CELF2: variants seen among roughly 807,000 people sequenced by gnomAD.
The protein encoded by CELF2 is CUGBP Elav-like family member 2, also known as CUG triplet repeat RNA-binding protein 2.
Under a neutral mutation model 62.6 loss-of-function variants are expected in CELF2, and 8 were observed. The ratio of observed to expected loss-of-function variants is 0.13; its 90% CI spans 0.07 to 0.23. The LOEUF is 0.23. Ranked by LOEUF, CELF2 falls within the 10% of genes least tolerant of loss-of-function variation. The pLI is 1.00. For synonymous variants in CELF2, 258 were observed against 250.0 expected (o/e 1.03, Z -0.30); for missense variants, 333 against 671.0 (o/e 0.50, Z 5.56).
the CELF2 span, among the ~76,000 whole-genome samples, chr10:10,551,997 G>A: frequency 1.3e-5 from 2 of 151,962 alleles, no homozygotes; most frequent in South Asian, 4.2e-4. Context: ...TGCATTTAAA[G>A]TTTCACATCT....
chr10:11,097,941 T>G (rs993225805), intron 1 of CELF2: 2 of 152,418 alleles, frequency 1.3e-5, no homozygotes, highest in African/African-American at 4.8e-5. Flanking sequence ...TGACACCTCA[T>G]GCATGGAGTC....
chr10:11,217,578 G>A lies in CELF2; in HGVS notation c.354+71G>A, dbSNP rs765237086. ...ATGGTCCTTTCAACTGAAGGTTCTA[G>A]TTATGGGCTCTTAGTGCCAAAAATG... On this transcript the variant is annotated intron_variant, in intron 3 of 12. Coordinates refer to ENST00000633077, the MANE Select transcript of CELF2 (RefSeq NM_001326342.2). This position sits in a 1 kb window ranked among gnomAD's most constrained non-coding sequence, Gnocchi z 5.6. 8.5e-7 allele frequency: 1 copy of A among 1,181,418 alleles called. No homozygotes were observed. Among genetic ancestry groups the A allele is most frequent in the Non-Finnish European group, 1.2e-6 (1 of 804,054 alleles). 73.2% of individuals were successfully genotyped at this position (1,181,418 alleles called of 1,614,324 possible). A position where few individuals can be genotyped will look rare whatever the true frequency, so the allele number is the denominator to read the frequency against.
chr10:10,708,721 A>G, the CELF2 span, among the ~76,000 whole-genome samples: 15 of 152,194 alleles, frequency 9.9e-5, no homozygotes, highest in Non-Finnish European at 2.1e-4. Flanking sequence ...TGATGGAAAT[A>G]GCAGTATTGA....
chr10:10,527,901 C>T, the CELF2 span, among the ~76,000 whole-genome samples: 1 of 152,220 alleles, frequency 6.6e-6, no homozygotes, highest in Admixed American at 6.5e-5. Context: ...CTCAGGGAAA[C>T]TAGCAGATTC....
intron 1 of CELF2, among the ~76,000 whole-genome samples, chr10:11,041,384 T>C (rs1049797215): frequency 1.3e-5 from 2 of 152,094 alleles, no homozygotes; most frequent in African/African-American, 4.8e-5. Context: ...CTTAGGGAAA[T>C]GGTAGTACAG....
chr10:10,593,152 T>C, the CELF2 span, among the ~76,000 whole-genome samples: 1 of 152,014 alleles, frequency 6.6e-6, no homozygotes, highest in East Asian at 1.9e-4. Context: ...TGGAGAGACA[T>C]GATGGTAGGA....
rs993795005 is a variant in CELF2, at chr10:10,928,847, T to A, written c.89+8848T>A. On this transcript the variant is annotated intron_variant, in intron 2 of 13. Coordinates refer to the CELF2 transcript ENST00000636488. The surrounding 1 kb of genome is among the most constrained non-coding windows in gnomAD (Gnocchi z 4.8). ...ACACTAAAATCCTATTACTATTTGT[T>A]GTTTGTCCCCAGTGCCTAGCAGTGC... Among the ~76,000 whole-genome samples, 1 of 152,202 alleles carries A rather than the reference T, an allele frequency of 6.6e-6. No homozygotes were observed. Among genetic ancestry groups the A allele is most frequent in the Non-Finnish European group, 1.5e-5 (1 of 68,036 alleles).
the CELF2 span, among the ~76,000 whole-genome samples, chr10:10,677,482 T>C: frequency 6.6e-6 from 1 of 152,240 alleles, no homozygotes; most frequent in Non-Finnish European, 1.5e-5. Flanking sequence ...CAGAATTATT[T>C]AGGTACTTAT....
At chr10:10,598,724 ATTT>A in the CELF2 span, among the ~76,000 whole-genome samples, 2 of 76,264 alleles carry the variant, frequency 2.6e-5, no homozygotes, top group African/African-American at 8.8e-5. Flanking sequence ...TCAAGGGCTG[ATTT>A]TCTTTTTCTT....
chr10:10,591,868 C>T, the CELF2 span, among the ~76,000 whole-genome samples: 2 of 152,186 alleles, frequency 1.3e-5, no homozygotes, highest in African/African-American at 4.8e-5. Flanking sequence ...ATTATCCTGG[C>T]ATAGTGTGTG....
chr10:10,470,932 A>C, the CELF2 span, among the ~76,000 whole-genome samples: 1 of 151,538 alleles, frequency 6.6e-6, no homozygotes, highest in Non-Finnish European at 1.5e-5. Flanking sequence ...TAAAGTTATA[A>C]ATTTCCACCC....
At chr10:11,180,490 G>A (rs1470062835) in intron 2 of CELF2, among the ~76,000 whole-genome samples, 5 of 152,150 alleles carry the variant, frequency 3.3e-5, no homozygotes, top group Non-Finnish European at 5.9e-5. Context: ...CGGTAAAACC[G>A]ACACCGTACT....
chr10:10,695,705 T>A, the CELF2 span, among the ~76,000 whole-genome samples: 1 of 152,180 alleles, frequency 6.6e-6, no homozygotes, highest in African/African-American at 2.4e-5. Flanking sequence ...TTTGCTCATT[T>A]CCTTTTATTC....
chr10:10,740,070 T>C, the CELF2 span, among the ~76,000 whole-genome samples: 1 of 152,086 alleles, frequency 6.6e-6, no homozygotes, highest in Non-Finnish European at 1.5e-5. Context: ...ATAGACTGTC[T>C]TTTCATTGTG....
chr10:10,983,505 C>T lies in CELF2; in HGVS notation c.89+63506C>T, dbSNP rs74676367. On this transcript the variant is annotated intron_variant, in intron 2 of 13. Coordinates refer to the CELF2 transcript ENST00000636488. The surrounding 1 kb of genome is among the most constrained non-coding windows in gnomAD (Gnocchi z 5.2). ...TTCAGTCTGTAATTTTTACTGAGTC[C>T]CTACAAAGGCCTTATGCTATGATGG... Among the ~76,000 whole-genome samples, 6,121 of 152,148 alleles carry T rather than the reference C, an allele frequency of 0.04. 144 individuals are homozygous for T. Among genetic ancestry groups the T allele is most frequent in the Middle Eastern group, 0.075 (22 of 294 alleles).
chr10:10,578,347 G>C, the CELF2 span, among the ~76,000 whole-genome samples: 9 of 151,956 alleles, frequency 5.9e-5, no homozygotes, highest in East Asian at 1.4e-3. Context: ...TTTTGCTGTG[G>C]AGAAGCTCTT....
In CELF2 at chr10:11,314,062, T is replaced by C. The variant is rs1384496506; in HGVS notation, c.977-77T>C. On this transcript the variant is annotated intron_variant, in intron 9 of 12. Coordinates refer to ENST00000633077, the MANE Select transcript of CELF2 (RefSeq NM_001326342.2). The surrounding 1 kb of genome is among the most constrained non-coding windows in gnomAD (Gnocchi z 5.3). ...TCCTCAGCTCCGTCCACTGAGATGA[T>C]GACAGAAGGATTTCCAGTCTCGGCT... is the stretch of plus-strand genomic sequence containing the variant. 1.0e-5 allele frequency: 15 copies of C among 1,439,554 alleles called. No homozygotes were observed. The East Asian group carries it at 2.7e-4, about 26-fold the overall frequency. 89.2% of individuals were successfully genotyped at this position (1,439,554 alleles called of 1,614,324 possible).
the CELF2 span, among the ~76,000 whole-genome samples, chr10:10,680,172 TGTATGTGC>T: frequency 6.6e-6 from 1 of 151,872 alleles, no homozygotes; most frequent in African/African-American, 2.4e-5. Flanking sequence ...TATGTATGTA[TGTATGTGC>T]GTATGTGTAT....
chr10:10,478,686 C>T, the CELF2 span, among the ~76,000 whole-genome samples: 1 of 152,138 alleles, frequency 6.6e-6, no homozygotes, highest in Non-Finnish European at 1.5e-5. Context: ...TGAAGCTACC[C>T]ATGCAGGGAT....
Sources: gnomAD v4.1 joint callset for allele counts (sites outside exome capture counted in the v4.1 genomes callset) on GRCh38, gnomAD v4.1.1 for gene constraint, Gnocchi (gnomAD v3.1) non-coding constraint, MANE v1.5 for transcripts, NCBI Gene and HGNC (gene_info 2026-07-23, HGNC 2026-07-21) for gene names.